The following PCDHGB4 variants were observed in gnomAD, a reference collection of about 807,000 sequenced individuals.
PCDHGB4 encodes protocadherin gamma-B4.
In PCDHGB4, 38 loss-of-function variants were observed where a neutral mutation model predicts 60.5. The ratio of observed to expected loss-of-function variants is 0.63; its 90% CI spans 0.48 to 0.82. The LOEUF is 0.82. Ranked by LOEUF, PCDHGB4 falls within the 40% of genes least tolerant of loss-of-function variation. The probability of loss-of-function intolerance (pLI) is 0.00; values close to 1 mark genes in which losing one functional copy is unlikely to be tolerated. For synonymous variants in PCDHGB4, 456 were observed against 509.7 expected, an observed-to-expected ratio of 0.89 and a Z score of 1.42; for missense variants, 1,109 against 1,209.6, an observed-to-expected ratio of 0.92 and a Z score of 1.23.
At chr5:141,502,880 T>TTTTTTTTTTG (rs2099816747) in intron 2 of PCDHGB4, among the ~76,000 whole-genome samples, 1 of 151,000 alleles carries the variant, frequency 6.6e-6, no homozygotes, top group African/African-American at 2.4e-5. Context: ...TTTTTTTTTT[T>TTTTTTTTTTG]GACAGGGAGT....
At chr5:141,404,436 C>A in intron 1 of PCDHGB4, 1 of 1,612,704 alleles carries the variant, frequency 6.2e-7, no homozygotes, top group Non-Finnish European at 8.5e-7. Flanking sequence ...GCAGAGGATA[C>A]CATCCAAGGG....
Position 141,389,990 on chromosome 5 carries a change from C to A in PCDHGB4, c.2106C>A (p.Leu702=), listed in dbSNP as rs2091998485. ...TGGCCTTGATCTCAGTGCTCTTCCTCGTGGCCATGATTCTGGCCATTGCCT... is the reference window on the plus strand; with the variant it reads ...TGGCCTTGATCTCAGTGCTCTTCCTAGTGGCCATGATTCTGGCCATTGCCT... ...VALALISVLF[L]VAMILAIALR... is the part of the protein sequence containing the mutation. The change falls in exon 1 of 4, where the codon CTC becomes CTA. Residue 702 remains leucine, a synonymous_variant. Coordinates refer to ENST00000519479, the MANE Select transcript of PCDHGB4 (RefSeq NM_003736.4). The A allele has an allele frequency of 6.2e-7, 1 of 1,613,926 alleles. No individual in the cohort carries two copies. Among genetic ancestry groups the A allele is most frequent in the African/African-American group, 1.3e-5 (1 of 74,942 alleles).
chr5:141,444,551 G>A (rs758187608), intron 1 of PCDHGB4, among the ~76,000 whole-genome samples: 1 of 152,022 alleles, frequency 6.6e-6, no homozygotes, highest in Non-Finnish European at 1.5e-5. Context: ...TGAGCAAAAG[G>A]CACTTATTTG....
Position 141,487,845 on chromosome 5 carries a change from A to C in PCDHGB4, c.2398-6962A>C, listed in dbSNP as rs2099667978. ...GGGTCATGCCTATATCTGAGTAAGA[A>C]ATGAAAGTAATTGGTGATCAAGAGC... On this transcript the variant is annotated intron_variant, in intron 1 of 3. Coordinates refer to ENST00000519479, the MANE Select transcript of PCDHGB4 (RefSeq NM_003736.4). The surrounding 1 kb of genome is among the most constrained non-coding windows in gnomAD (Gnocchi z 5.0). 2.9e-6 allele frequency: 3 copies of C among 1,027,382 alleles called. No homozygotes were observed. Among genetic ancestry groups the C allele is most frequent in the Non-Finnish European group, 4.2e-6 (3 of 716,452 alleles). The allele number at this position is 1,027,382 out of a possible 1,614,324, so 63.6% of individuals were successfully genotyped here.
At position 141,388,569 on chromosome 5, in the gene PCDHGB4, C is replaced by T. The variant is rs368780854; in HGVS notation, c.685C>T (p.His229Tyr). Reference sequence around the variant, plus strand: ...ACCCCTAAGCAGCACTGCACAGATACACGTTCTAGTGACTGATGCCAATGA... The same window carrying T: ...ACCCCTAAGCAGCACTGCACAGATATACGTTCTAGTGACTGATGCCAATGA... ...APPLSSTAQI[H>Y]VLVTDANDNA... Residue 229 changes from histidine to tyrosine, a missense_variant, in exon 1 of 4, where the codon CAC becomes TAC. By Grantham distance (83) the His-to-Tyr change is moderately conservative. Coordinates refer to ENST00000519479, the MANE Select transcript of PCDHGB4 (RefSeq NM_003736.4). The T allele has an allele frequency of 4.3e-6, 7 of 1,613,862 alleles. No homozygotes were observed. The highest frequency in any genetic ancestry group is 1.3e-5 in the African/African-American group (1 of 75,034).
rs2097424370 is a variant in PCDHGB4, at chr5:141,431,859, C to G, written c.2397+41578C>G. On this transcript the variant is annotated intron_variant, in intron 1 of 3. Coordinates refer to ENST00000519479, the MANE Select transcript of PCDHGB4 (RefSeq NM_003736.4). The surrounding 1 kb of genome is among the most constrained non-coding windows in gnomAD (Gnocchi z 4.8). ...AACTCTCCCAGAGGGACATTAATTG[C>G]CCTTTTAAATGTAAATGACCAAGAT... is the stretch of plus-strand genomic sequence containing the variant. The G allele has an allele frequency of 1.2e-6, 2 of 1,614,060 alleles. No individual in the cohort carries two copies. Among genetic ancestry groups the G allele is most frequent in the Middle Eastern group, 3.3e-4 (2 of 6,084 alleles).
At chr5:141,421,583 G>A (rs765321947) in intron 1 of PCDHGB4, 1 of 1,613,796 alleles carries the variant, frequency 6.2e-7, no homozygotes, top group African/African-American at 1.3e-5. Context: ...AAGATTTACG[G>A]AGTGGAGGTG....
At chr5:141,428,204 C>T (rs756271858) in intron 1 of PCDHGB4, 23 of 1,324,604 alleles carry the variant, frequency 1.7e-5, no homozygotes, top group Admixed American at 5.5e-5. Flanking sequence ...TGCGCCGCTA[C>T]GCTTCACCTA....
Position 141,400,031 on chromosome 5 carries a change from G to A in PCDHGB4, c.2397+9750G>A, listed in dbSNP as rs373709904. The A allele has an allele frequency of 2.2e-5, 36 of 1,612,964 alleles. No individual in the cohort carries two copies. In the African/African-American group the frequency reaches 4.5e-4, roughly 20 times the overall value. The stretch of plus-strand genomic sequence containing the variant: ...GCCTTGGGCGACAGGGACGCGGCCC[G>A]CCAGCGCCTGCTGGTTGCTGTGCGT... On this transcript the variant is annotated intron_variant, in intron 1 of 3. Coordinates refer to ENST00000519479, the MANE Select transcript of PCDHGB4 (RefSeq NM_003736.4).
At chr5:141,456,599 A>T (rs2098870253) in intron 1 of PCDHGB4, among the ~76,000 whole-genome samples, 1 of 152,174 alleles carries the variant, frequency 6.6e-6, no homozygotes, top group African/African-American at 2.4e-5. Flanking sequence ...TTTTGATTTG[A>T]TTTTTAAGTC....
At chr5:141,416,215 A>G (rs969061407) in intron 1 of PCDHGB4, 1 of 152,400 alleles carries the variant, frequency 6.6e-6, no homozygotes, top group Non-Finnish European at 1.5e-5. Flanking sequence ...ATAACAATGT[A>G]TGCTTAGATT....
At position 141,490,207 on chromosome 5, in the gene PCDHGB4, C is replaced by T. The variant is rs142098675; in HGVS notation, c.2398-4600C>T. On this transcript the variant is annotated intron_variant, in intron 1 of 3. Transcript: ENST00000519479. This position sits in a 1 kb window ranked among gnomAD's most constrained non-coding sequence, Gnocchi z 5.4. ...TTTCTATGAAATTCATGCAAGAGCC[C>T]GTGACCAGGGACAGCCTGCCATGGA... 41 of 1,614,056 alleles carry T rather than the reference C, an allele frequency of 2.5e-5. No homozygotes were observed. The highest frequency in any genetic ancestry group is 3.3e-4 in the Middle Eastern group (2 of 6,084).
chr5:141,489,427 C>G lies in PCDHGB4; in HGVS notation c.2398-5380C>G, dbSNP rs370540900. ...AAAGATGACAGATCTGTTGAGCCGG[C>G]GGCTGCAATTGGGCTCTGAGGAGAA... On this transcript the variant is annotated intron_variant, in intron 1 of 3. Transcript: ENST00000519479. The surrounding 1 kb of genome is among the most constrained non-coding windows in gnomAD (Gnocchi z 4.5). 6.2e-7 allele frequency: 1 copy of G among 1,614,108 alleles called. No homozygotes were observed. Among genetic ancestry groups the G allele is most frequent in the South Asian group, 1.1e-5 (1 of 91,086 alleles).
intron 1 of PCDHGB4, among the ~76,000 whole-genome samples, chr5:141,438,587 CATACATATAT>C (rs1422309749): frequency 6.8e-5 from 5 of 73,430 alleles, no homozygotes; most frequent in South Asian, 5.1e-4. Context: ...TACATACATA[CATACATATAT>C]ATATATATAT....
chr5:141,400,282 G>T (rs774476991), intron 1 of PCDHGB4: 2 of 1,613,974 alleles, frequency 1.2e-6, no homozygotes, highest in Non-Finnish European at 1.7e-6. Context: ...CAGCCCTGCC[G>T]CCTGGAGCTG....
Position 141,490,575 on chromosome 5 carries a change from A to G in PCDHGB4, c.2398-4232A>G. 2 of 1,614,140 alleles carry G rather than the reference A, an allele frequency of 1.2e-6. No individual in the cohort carries two copies. The highest frequency in any genetic ancestry group is 2.2e-5 in the East Asian group (1 of 44,876). Reference sequence around the variant, plus strand: ...ATCTCACCATCAGGCTCAACATTTCAGATGTCAATGACAATGCACCCCGCT... The same window carrying G: ...ATCTCACCATCAGGCTCAACATTTCGGATGTCAATGACAATGCACCCCGCT... On this transcript the variant is annotated intron_variant, in intron 1 of 3. Transcript: ENST00000519479. This position sits in a 1 kb window ranked among gnomAD's most constrained non-coding sequence, Gnocchi z 5.4.
At chr5:141,488,687 GA>G (rs1238909682) in intron 1 of PCDHGB4, among the ~76,000 whole-genome samples, 1 of 152,192 alleles carries the variant, frequency 6.6e-6, no homozygotes, top group East Asian at 1.9e-4. Flanking sequence ...GCCTCTCCCA[GA>G]AGGACAAGAT....
chr5:141,421,050 T>TACCACACAA, intron 1 of PCDHGB4: 1 of 561,278 alleles, frequency 1.8e-6, no homozygotes, highest in Non-Finnish European at 3.1e-6. Flanking sequence ...CCCCCGCCTC[T>TACCACACAA]ACCACACAAA....
At chr5:141,405,403 T>A (rs1430892971) in intron 1 of PCDHGB4, 2 of 1,586,108 alleles carry the variant, frequency 1.3e-6, no homozygotes, top group Non-Finnish European at 1.7e-6. Flanking sequence ...TCTTTCTTTC[T>A]TTTCTTTTTT....
Sources: gnomAD v4.1 joint callset for allele counts (sites outside exome capture counted in the v4.1 genomes callset) on GRCh38, gnomAD v4.1.1 for gene constraint, Gnocchi (gnomAD v3.1) non-coding constraint, MANE v1.5 for transcripts, NCBI Gene and HGNC (gene_info 2026-07-23, HGNC 2026-07-21) for gene names.